CCDC163: variants seen among roughly 807,000 people sequenced by gnomAD.
CCDC163 encodes the protein transmembrane protein CCDC163.
CCDC163 carries 13 observed loss-of-function variants against 8.2 expected under a neutral mutation model. The ratio of observed to expected loss-of-function variants is 1.59; its 90% CI spans 1.04 to 2.54. The LOEUF is 2.54. CCDC163 is among the 30% of genes most tolerant of loss of function. The pLI is 0.00. For missense variants in CCDC163, 117 were observed against 78.6 expected (o/e 1.49, Z -1.85); for synonymous variants, 41 against 30.9 (o/e 1.33, Z -1.08).
chr1:45,496,750 A>G, intron 3 of CCDC163, 127 bp from the exon 4 acceptor site: 1 of 634,322 alleles, frequency 1.6e-6, no homozygotes, highest in South Asian at 1.9e-5. Flanking sequence ...GGACGCTTCC[A>G]AGCTGACTGA....
chr1:45,498,669 C>G (rs1167988514), intron 2 of CCDC163: 1 of 153,614 alleles, frequency 6.5e-6, no homozygotes, highest in Non-Finnish European at 1.4e-5. Context: ...AGGGATCATC[C>G]TCTCTAAGAG....
chr1:45,497,198 A>C, intron 3 of CCDC163, 101 bp downstream of exon 3: 1 of 599,608 alleles, frequency 1.7e-6, no homozygotes, highest in Admixed American at 2.9e-5. Flanking sequence ...ACTCCATCTC[A>C]AAAAGAATAA....
Position 45,499,817 on chromosome 1 carries a change from C to G in CCDC163, c.-208G>C. ...GGAAAGGAAGGACGCTCTTGGGGAACTGGGGGAAAAGCGGGATACCGTGAT... is the reference window on the plus strand; with the variant it reads ...GGAAAGGAAGGACGCTCTTGGGGAAGTGGGGGAAAAGCGGGATACCGTGAT... On this transcript the variant is annotated 5_prime_UTR_variant, in exon 1 of 5. Coordinates refer to ENST00000629482, the MANE Select transcript of CCDC163 (RefSeq NM_001102601.3). 3.4e-6 allele frequency: 2 copies of G among 588,710 alleles called. No homozygotes were observed. The highest frequency in any genetic ancestry group is 3.7e-5 in the African/African-American group (2 of 53,748). 36.5% of individuals were successfully genotyped at this position (588,710 alleles called of 1,614,324 possible).
chr1:45,498,124 A>C (rs562599578), intron 2 of CCDC163, among the ~76,000 whole-genome samples: 1 of 151,552 alleles, frequency 6.6e-6, no homozygotes, highest in African/African-American at 2.4e-5. Context: ...GTCCACTCAG[A>C]GTTAAATGGA....
In CCDC163 at chr1:45,499,954, G is replaced by A; in HGVS notation, c.-345C>T. 8.3e-6 allele frequency: 4 copies of A among 484,388 alleles called. No homozygotes were observed. The highest frequency in any genetic ancestry group is 6.4e-5 in the South Asian group (3 of 47,216). 30.0% of individuals were successfully genotyped at this position (484,388 alleles called of 1,614,324 possible). A position where few individuals can be genotyped will look rare whatever the true frequency, so the allele number is the denominator to read the frequency against. ...ACCTGTGCCAGTGACAACTGCCGCCGCCGGGTTCAAAACTTCGGGTTGGTT... is the reference window on the plus strand; with the variant it reads ...ACCTGTGCCAGTGACAACTGCCGCCACCGGGTTCAAAACTTCGGGTTGGTT... On this transcript the variant is annotated 5_prime_UTR_variant, in exon 1 of 5. Transcript: ENST00000629482.
intron 2 of CCDC163, 135 bp from the exon 3 acceptor site, chr1:45,497,518 C>T (rs571552459): frequency 6.4e-5 from 37 of 581,446 alleles, no homozygotes; most frequent in Non-Finnish European, 9.1e-5. Context: ...AAGGCAAGGC[C>T]GCACTCAGTG....
intron 4 of CCDC163, 198 bp from the exon 5 acceptor site, chr1:45,495,364 G>A: frequency 1.4e-6 from 1 of 702,834 alleles, no homozygotes; most frequent in Non-Finnish European, 2.6e-6. Flanking sequence ...TGGCATTCAG[G>A]CACCATTCAG....
At position 45,494,463 on chromosome 1, in the gene CCDC163, CAAAA is replaced by C. The variant is rs57092651; in HGVS notation, c.*592_*595del. 2.7e-4 allele frequency: 27 copies of C among 101,136 alleles called. No homozygotes were observed. Among genetic ancestry groups the C allele is most frequent in the Admixed American group, 4.0e-4 (4 of 9,928 alleles). The allele number at this position is 101,136 out of a possible 1,614,324, so 6.3% of individuals were successfully genotyped here. A position where few individuals can be genotyped will look rare whatever the true frequency, so the allele number is the denominator to read the frequency against. On this transcript the variant is annotated 3_prime_UTR_variant, in exon 5 of 5. Coordinates refer to ENST00000629482, the MANE Select transcript of CCDC163 (RefSeq NM_001102601.3). ...TGGGCAACTGAGTAAGACCTTGCCT[CAAAA>C]AAAAAAAAAAAAAAGGCAGAAGCTG...
rs543819205 is a variant in CCDC163 at position 45,499,708 on chromosome 1, C to A, written c.-99G>T. The A allele has an allele frequency of 1.5e-6, 1 of 677,094 alleles. No homozygotes were observed. Among genetic ancestry groups the A allele is most frequent in the Admixed American group, 2.4e-5 (1 of 41,776 alleles). 41.9% of individuals were successfully genotyped at this position (677,094 alleles called of 1,614,324 possible). A position where few individuals can be genotyped will look rare whatever the true frequency, so the allele number is the denominator to read the frequency against. On this transcript the variant is annotated 5_prime_UTR_variant, in exon 1 of 5. Transcript: ENST00000629482. ...AAGGTATCCCCAGGAAAGGCCACCA[C>A]GTTAGATGGAAAGAGGGAAGTGGGG...
In CCDC163 at chr1:45,499,990, G is replaced by T. The variant is rs925332147; in HGVS notation, c.-381C>A. 1 of 494,706 alleles carries T rather than the reference G, an allele frequency of 2.0e-6. No individual in the cohort carries two copies. Among genetic ancestry groups the T allele is most frequent in the Non-Finnish European group, 3.7e-6 (1 of 270,756 alleles). The allele number at this position is 494,706 out of a possible 1,614,324, so 30.6% of individuals were successfully genotyped here. A position where few individuals can be genotyped will look rare whatever the true frequency, so the allele number is the denominator to read the frequency against. On this transcript the variant is annotated 5_prime_UTR_variant, in exon 1 of 5. Transcript: ENST00000629482. ...AACTTCGGGTTGGTTTTGAAAGTCCGACTTTGGACTGGCTGCCGCAGCGCC... is the reference window on the plus strand; with the variant it reads ...AACTTCGGGTTGGTTTTGAAAGTCCTACTTTGGACTGGCTGCCGCAGCGCC...
chr1:45,497,016 G>GA (rs773913680), intron 3 of CCDC163, among the ~76,000 whole-genome samples: 4 of 151,834 alleles, frequency 2.6e-5, no homozygotes, highest in Non-Finnish European at 5.9e-5. Context: ...CTAAAAATAT[G>GA]AAAAAAAGTG....
Position 45,499,637 on chromosome 1 carries a change from C to G in CCDC163, c.-28G>C. 1 of 738,760 alleles carries G rather than the reference C, an allele frequency of 1.4e-6. No homozygotes were observed. The highest frequency in any genetic ancestry group is 2.5e-6 in the Non-Finnish European group (1 of 396,928). The allele number at this position is 738,760 out of a possible 1,614,324, so 45.8% of individuals were successfully genotyped here. A position where few individuals can be genotyped will look rare whatever the true frequency, so the allele number is the denominator to read the frequency against. On this transcript the variant is annotated 5_prime_UTR_variant, in exon 1 of 5. Coordinates refer to ENST00000629482, the MANE Select transcript of CCDC163 (RefSeq NM_001102601.3). Reference sequence around the variant, plus strand: ...CCTGTGGCAGGGGAGCGGCAGGGGTCTGGCTCCCTGGTGTCTTGTGCTTGC... The same window carrying G: ...CCTGTGGCAGGGGAGCGGCAGGGGTGTGGCTCCCTGGTGTCTTGTGCTTGC...
intron 4 of CCDC163, among the ~76,000 whole-genome samples, chr1:45,495,949 C>T (rs566657001): frequency 7.9e-5 from 12 of 152,230 alleles, no homozygotes; most frequent in Non-Finnish European, 1.3e-4. Context: ...TGAGCCACCG[C>T]GCCCTGCCAA....
chr1:45,496,187 G>A, intron 4 of CCDC163: 6 of 365,050 alleles, frequency 1.6e-5, no homozygotes, highest in South Asian at 1.1e-4. Context: ...GCTCCCTCCA[G>A]GCATCTTGGT....
intron 4 of CCDC163, chr1:45,495,584 G>A (rs1422582246): frequency 4.4e-6 from 3 of 675,122 alleles, no homozygotes; most frequent in African/African-American, 3.5e-5. Context: ...AGAAGATAAT[G>A]ATGTATCAAG....
intron 4 of CCDC163, chr1:45,495,448 T>C: frequency 1.4e-6 from 1 of 702,820 alleles, no homozygotes; most frequent in Non-Finnish European, 2.6e-6. Context: ...CAGCTACTGT[T>C]ACTGTCCAGA....
At chr1:45,499,236 G>A (rs1403591205) in intron 2 of CCDC163, 109 bp downstream of exon 2, 2 of 708,454 alleles carry the variant, frequency 2.8e-6, no homozygotes, top group Admixed American at 2.0e-5. Flanking sequence ...GGGAAACAGA[G>A]TTCAGGAAAG....
intron 4 of CCDC163, chr1:45,495,487 C>G (rs1408250955): frequency 5.7e-6 from 4 of 702,784 alleles, no homozygotes; most frequent in Non-Finnish European, 7.8e-6. Context: ...GATGAAGAAA[C>G]AGACATGGTG....
intron 4 of CCDC163, 23 bp downstream of exon 4, chr1:45,496,533 G>A (rs758070009): frequency 2.6e-6 from 2 of 779,502 alleles, no homozygotes; most frequent in South Asian, 2.7e-5. Context: ...AATATGCAGA[G>A]ACAAGTCTGA....
Sources: allele counts gnomAD v4.1 joint callset (sites outside exome capture counted in the v4.1 genomes callset), GRCh38; gene constraint gnomAD v4.1.1; transcripts MANE v1.5; gene names NCBI Gene and HGNC (gene_info 2026-07-23, HGNC 2026-07-21).